The following MED24 variants were observed in gnomAD, a reference collection of about 807,000 sequenced individuals.
MED24 encodes mediator of RNA polymerase II transcription subunit 24.
Under a neutral mutation model 118.8 loss-of-function variants are expected in MED24, and 74 were observed. The observed-to-expected ratio is 0.62, with a 90% CI of 0.52 to 0.76. The LOEUF is 0.76. Ranked by LOEUF, MED24 falls within the 30% of genes least tolerant of loss-of-function variation. The pLI is 0.00. For synonymous variants in MED24, 521 were observed against 523.9 expected (o/e 0.99, Z 0.08); for missense variants, 1,041 against 1,278.9 (o/e 0.81, Z 2.84).
At chr17:40,030,666 A>AGT (rs1555665367) in intron 12 of MED24, among the ~76,000 whole-genome samples, 4 of 129,814 alleles carry the variant, frequency 3.1e-5, no homozygotes, top group Non-Finnish European at 5.1e-5. Flanking sequence ...TTATTTATTT[A>AGT]TTTTTTTTTT....
intron 23 of MED24, 136 bp downstream of exon 23, chr17:40,021,819 C>A (rs528822673): frequency 2.5e-5 from 16 of 648,588 alleles, no homozygotes; most frequent in African/African-American, 1.3e-4. Flanking sequence ...CCCTTGGGGG[C>A]TAGAACAGCA....
At position 40,028,850 on chromosome 17, in the gene MED24, T is replaced by A; in HGVS notation, c.1385A>T (p.Lys462Ile). 1 of 1,614,080 alleles carries A rather than the reference T, an allele frequency of 6.2e-7. No homozygotes were observed. Among genetic ancestry groups the A allele is most frequent in the Non-Finnish European group, 8.5e-7 (1 of 1,179,998 alleles). Residue 462 changes from lysine to isoleucine, a missense_variant, in exon 14 of 26, where the codon AAA (lysine) becomes ATA (isoleucine). Around this residue, in one of 3 missense-constraint regions of MED24, gnomAD observed 587 missense variants for 694.4 expected, o/e 0.85. Transcript: ENST00000394128. ...LAAAAATGKL[K>I]SFARKFINLN... ...CTTGATGAATTTCCGGGCGAAGGAT[T>A]TCAGCTTTCCAGTGGCGGCGGCGGC...
At chr17:40,024,419 G>T (rs958553459) in intron 19 of MED24, among the ~76,000 whole-genome samples, 3 of 151,996 alleles carry the variant, frequency 2.0e-5, no homozygotes, top group Admixed American at 6.6e-5. Context: ...CTGTAATCCC[G>T]GCTACTCGGG....
intron 3 of MED24, among the ~76,000 whole-genome samples, chr17:40,052,338 T>C (rs1985947444): frequency 6.6e-6 from 1 of 152,166 alleles, no homozygotes; most frequent in Admixed American, 6.6e-5. Context: ...GTGTATTAAG[T>C]ACATTTTCAA....
intron 3 of MED24, among the ~76,000 whole-genome samples, chr17:40,047,600 T>C (rs1365277938): frequency 1.3e-5 from 2 of 149,680 alleles, no homozygotes; most frequent in Non-Finnish European, 3.0e-5. Flanking sequence ...AGGCGGAGGT[T>C]GCAGTGAGCT....
intron 12 of MED24, 122 bp from the exon 13 acceptor site, chr17:40,029,981 G>C: frequency 1.3e-6 from 1 of 780,548 alleles, no homozygotes; most frequent in African/African-American, 1.7e-5. Context: ...AAGAACCTCC[G>C]AGGTTGGGGT....
intron 3 of MED24, among the ~76,000 whole-genome samples, chr17:40,038,882 TCA>T (rs1198489387): frequency 6.6e-6 from 1 of 152,158 alleles, no homozygotes; most frequent in Non-Finnish European, 1.5e-5. Flanking sequence ...TTAAATACCA[TCA>T]GTGTTCAGAA....
At position 40,035,308 on chromosome 17, in the gene MED24, G is replaced by C; in HGVS notation, c.368C>G (p.Ala123Gly). The C allele has an allele frequency of 6.2e-7, 1 of 1,609,942 alleles. No individual in the cohort carries two copies. Among genetic ancestry groups the C allele is most frequent in the Non-Finnish European group, 8.5e-7 (1 of 1,176,772 alleles). The change falls in exon 6 of 26, where the codon GCC becomes GGC. Residue 123 changes from alanine to glycine, a missense_variant. Physicochemically the swap from Ala to Gly is moderately conservative, Grantham distance 60. Transcript: ENST00000394128. The part of the protein sequence containing the change: ...KAEECIGLCR[A>G]LLSALHWLLR... ...CAGCCAGTGGAGGGCGCTAAGAAGG[G>C]CTCGGCACAGTCCGATGCATTCCTC...
intron 3 of MED24, among the ~76,000 whole-genome samples, chr17:40,047,333 G>A (rs1985338134): frequency 6.6e-6 from 1 of 152,050 alleles, no homozygotes; most frequent in Admixed American, 6.6e-5. Context: ...ATCTTATTTT[G>A]GATGCTGGTG....
At chr17:40,040,226 G>A (rs371291576) in intron 3 of MED24, among the ~76,000 whole-genome samples, 28 of 151,450 alleles carry the variant, frequency 1.8e-4, no homozygotes, top group East Asian at 7.8e-4. Flanking sequence ...CTACAGGCAC[G>A]CGCCACCATG....
rs1983936357 is a variant in MED24 at position 40,036,417 on chromosome 17, A to G, written c.214-263T>C. Reference sequence around the variant, plus strand: ...AAAGGCTCCATGTTTCAGGCCGAGCATGGTGGCTCATGCCTGTAATCCCAA... The same window carrying G: ...AAAGGCTCCATGTTTCAGGCCGAGCGTGGTGGCTCATGCCTGTAATCCCAA... On this transcript the variant is annotated intron_variant, in intron 3 of 25. Transcript: ENST00000394128. 1.3e-5 allele frequency among the ~76,000 whole-genome samples: 2 copies of G among 152,166 alleles called. 1 individual carries two copies. The highest frequency in any genetic ancestry group is 4.1e-4 in the South Asian group (2 of 4,832).
At chr17:40,038,292 T>C (rs1295533815) in intron 3 of MED24, among the ~76,000 whole-genome samples, 2 of 152,178 alleles carry the variant, frequency 1.3e-5, no homozygotes, top group South Asian at 4.1e-4. Flanking sequence ...TACTAACTAG[T>C]TGCCTTCTGG....
intron 3 of MED24, among the ~76,000 whole-genome samples, chr17:40,048,199 C>A (rs1352907296): frequency 6.6e-6 from 1 of 152,240 alleles, no homozygotes; most frequent in Non-Finnish European, 1.5e-5. Context: ...ATCATTCTCT[C>A]TCCCTAAACC....
intron 3 of MED24, among the ~76,000 whole-genome samples, chr17:40,043,900 A>AAAAAAACAAAAAAAAAAAAAAAAC (rs1984847723): frequency 2.6e-5 from 4 of 151,010 alleles, no homozygotes; most frequent in Non-Finnish European, 5.9e-5. Flanking sequence ...CAAAAAAAAA[A>AAAAAAACAAAAAAAAAAAAAAAAC]AAAACAAAGA....
chr17:40,038,720 A>T (rs1984230496), intron 3 of MED24, among the ~76,000 whole-genome samples: 2 of 152,002 alleles, frequency 1.3e-5, no homozygotes, highest in Admixed American at 1.3e-4. Context: ...AAAAAAAAAA[A>T]AAAAAAGGAG....
At chr17:40,022,899 A>G (rs1421398002) in intron 20 of MED24, 73 bp from the exon 21 acceptor site, 3 of 1,545,534 alleles carry the variant, frequency 1.9e-6, no homozygotes, top group Non-Finnish European at 2.6e-6. Context: ...CTGCCACCCC[A>G]GCATGGCTGT....
chr17:40,029,738 G>A lies in MED24; in HGVS notation c.1266+10C>T. 2 of 1,609,754 alleles carry A rather than the reference G, an allele frequency of 1.2e-6. No individual in the cohort carries two copies. Among genetic ancestry groups the A allele is most frequent in the Non-Finnish European group, 1.7e-6 (2 of 1,176,030 alleles). Reference sequence around the variant, plus strand: ...AGAAGACTGTGGTGGCCAGGGAAGGGCACACTCACCTTGAGGATGTTTGTG... The same window carrying A: ...AGAAGACTGTGGTGGCCAGGGAAGGACACACTCACCTTGAGGATGTTTGTG... On this transcript the variant is annotated intron_variant, in intron 13 of 25. Coordinates refer to ENST00000394128, the MANE Select transcript of MED24 (RefSeq NM_014815.4).
At chr17:40,038,526 C>T (rs1029173946) in intron 3 of MED24, among the ~76,000 whole-genome samples, 1 of 152,044 alleles carries the variant, frequency 6.6e-6, no homozygotes, top group African/African-American at 2.4e-5. Context: ...TCCTGGCCAA[C>T]ATGGTGAAAC....
chr17:40,053,274 G>C (rs1212085693), intron 3 of MED24, 24 bp downstream of exon 3: 4 of 1,575,512 alleles, frequency 2.5e-6, no homozygotes, highest in Non-Finnish European at 3.5e-6. Flanking sequence ...CTCACTTCTT[G>C]GTGGGGGTTT....
Sources: allele counts gnomAD v4.1 joint callset (sites outside exome capture counted in the v4.1 genomes callset), GRCh38; gene constraint gnomAD v4.1.1; regional missense constraint gnomAD v4.1.1; transcripts MANE v1.5; gene names NCBI Gene and HGNC (gene_info 2026-07-23, HGNC 2026-07-21).